NEDD4L: variants seen among roughly 807,000 people sequenced by gnomAD.
NEDD4L encodes E3 ubiquitin-protein ligase NEDD4-like.
A neutral mutation model predicts 148.9 loss-of-function variants in NEDD4L; 54 were observed. That is an observed-to-expected ratio of 0.36 (90% confidence interval 0.29 to 0.45). The LOEUF is 0.45. Ranked by LOEUF, NEDD4L falls within the 20% of genes least tolerant of loss-of-function variation. NEDD4L has a pLI of 1.00. For missense variants in NEDD4L, 856 were observed against 1,233.8 expected (o/e 0.69, Z 4.59); for synonymous variants, 433 against 440.7 (o/e 0.98, Z 0.22).
At chr18:58,139,775 A>G (rs143320434) in intron 1 of NEDD4L, among the ~76,000 whole-genome samples, 1,593 of 152,186 alleles carry the variant, frequency 0.01, 16 homozygotes, top group South Asian at 0.013. Flanking sequence ...AACCTCCCAA[A>G]GGGAGGAAGC....
At chr18:58,045,612 A>G (rs966901398) in intron 1 of NEDD4L, 2 of 152,586 alleles carry the variant, frequency 1.3e-5, no homozygotes, top group Non-Finnish European at 2.9e-5. Flanking sequence ...CTCGGCTCTT[A>G]TTGGTATGTT....
chr18:58,300,353 C>T (rs1004634949), intron 5 of NEDD4L, among the ~76,000 whole-genome samples: 3 of 152,208 alleles, frequency 2.0e-5, no homozygotes, highest in African/African-American at 7.2e-5. Flanking sequence ...GGAAGTTTTG[C>T]AGCACTTTGC....
chr18:58,302,249 AAAG>A (rs1404272906), intron 5 of NEDD4L, among the ~76,000 whole-genome samples: 6 of 152,190 alleles, frequency 3.9e-5, no homozygotes, highest in African/African-American at 1.2e-4. Context: ...AAGGGGAAAA[AAAG>A]AAGTCATTTC....
chr18:58,092,492 A>C (rs2084130493), intron 1 of NEDD4L, among the ~76,000 whole-genome samples: 1 of 152,068 alleles, frequency 6.6e-6, no homozygotes, highest in African/African-American at 2.4e-5. Context: ...ACGGGTGGGG[A>C]AGGAGCACTA....
intron 2 of NEDD4L, among the ~76,000 whole-genome samples, chr18:58,168,550 G>T (rs1035140801): frequency 7.2e-5 from 11 of 152,166 alleles, no homozygotes; most frequent in Non-Finnish European, 1.0e-4. Flanking sequence ...AGTAGTCACC[G>T]GGCAGAGGTT....
At chr18:58,327,218 C>T (rs1290816670) in intron 9 of NEDD4L, among the ~76,000 whole-genome samples, 2 of 152,194 alleles carry the variant, frequency 1.3e-5, no homozygotes, top group African/African-American at 4.8e-5. Flanking sequence ...CTGCCTTGGC[C>T]TCCTGAGTAG....
chr18:58,239,069 C>T (rs2046342286), intron 2 of NEDD4L, among the ~76,000 whole-genome samples: 1 of 152,192 alleles, frequency 6.6e-6, no homozygotes, highest in Non-Finnish European at 1.5e-5. Context: ...AAACCTTCAA[C>T]AAAACAAGTT....
intron 2 of NEDD4L, among the ~76,000 whole-genome samples, chr18:58,226,070 T>TA (rs956519051): frequency 2.6e-5 from 4 of 152,156 alleles, no homozygotes; most frequent in African/African-American, 9.7e-5. Context: ...TAGAAAGCTA[T>TA]AAACTCTTAT....
At chr18:58,240,324 G>A (rs2046484857) in intron 2 of NEDD4L, among the ~76,000 whole-genome samples, 1 of 152,096 alleles carries the variant, frequency 6.6e-6, no homozygotes, top group South Asian at 2.1e-4. Flanking sequence ...GTGCATTTTG[G>A]TGTCTGCCCA....
chr18:58,184,756 G>A (rs549337522), intron 2 of NEDD4L, among the ~76,000 whole-genome samples: 8 of 152,092 alleles, frequency 5.3e-5, no homozygotes, highest in East Asian at 3.9e-4. Flanking sequence ...GTGAAACCCC[G>A]TCTCTACTAA....
intron 1 of NEDD4L, among the ~76,000 whole-genome samples, chr18:58,081,436 C>T (rs917305674): frequency 2.0e-5 from 3 of 151,858 alleles, no homozygotes; most frequent in South Asian, 2.1e-4. Context: ...AGGAAGGTCT[C>T]GATCTCCTGA....
In NEDD4L at chr18:58,351,038, T is replaced by C. The variant is rs1169476600; in HGVS notation, c.1701T>C (p.Ile567=). The part of the protein sequence containing the change: ...RIHLDGRTFY[I]DHNSKITQWE... ...ACTTGGATGGCCGAACGTTTTATAT[T>C]GATCATAGTAAGTAGGCGCTGTTAT... Residue 567 remains isoleucine (I), a synonymous_variant, in exon 18 of 31, where the codon ATT becomes ATC. Coordinates refer to ENST00000400345, the MANE Select transcript of NEDD4L (RefSeq NM_001144967.3). 3.8e-6 allele frequency: 6 copies of C among 1,591,770 alleles called. No individual in the cohort carries two copies. In the East Asian group the frequency reaches 1.4e-4, roughly 36 times the overall value.
At chr18:58,085,089 C>T (rs1163545322) in intron 1 of NEDD4L, among the ~76,000 whole-genome samples, 1 of 152,130 alleles carries the variant, frequency 6.6e-6, no homozygotes, top group Non-Finnish European at 1.5e-5. Flanking sequence ...GCGTAATGGC[C>T]TCATTTTAAC....
At chr18:58,334,001 A>T in intron 12 of NEDD4L, 109 bp downstream of exon 12, 1 of 632,728 alleles carries the variant, frequency 1.6e-6, no homozygotes, top group African/African-American at 1.9e-5. Context: ...TTACAATATA[A>T]ATGAGATGTT....
At chr18:58,136,829 A>C (rs2032904549) in intron 1 of NEDD4L, among the ~76,000 whole-genome samples, 1 of 152,222 alleles carries the variant, frequency 6.6e-6, no homozygotes, top group African/African-American at 2.4e-5. Flanking sequence ...AGAACTGAAC[A>C]TGTCATTCCA....
At chr18:58,125,294 C>G (rs2145874028) in intron 1 of NEDD4L, among the ~76,000 whole-genome samples, 1 of 152,178 alleles carries the variant, frequency 6.6e-6, no homozygotes, top group South Asian at 2.1e-4. Context: ...GATTTAAATC[C>G]AAGCAATGTG....
At chr18:58,343,341 T>C (rs768454685) in intron 16 of NEDD4L, among the ~76,000 whole-genome samples, 21 of 152,164 alleles carry the variant, frequency 1.4e-4, no homozygotes, top group Non-Finnish European at 2.8e-4. Flanking sequence ...CCTGGGAAGC[T>C]CTAGTTTAGA....
In NEDD4L at chr18:58,044,367, G is replaced by C; in HGVS notation, c.-294G>C. 1 of 183,228 alleles carries C rather than the reference G, an allele frequency of 5.5e-6. No individual in the cohort carries two copies. Among genetic ancestry groups the C allele is most frequent in the Non-Finnish European group, 1.1e-5 (1 of 89,658 alleles). 11.4% of individuals were successfully genotyped at this position (183,228 alleles called of 1,614,324 possible). A position where few individuals can be genotyped will look rare whatever the true frequency, so the allele number is the denominator to read the frequency against. On this transcript the variant is annotated 5_prime_UTR_variant, in exon 1 of 31. Transcript: ENST00000400345. ...GGGGAGGGAAAGCCCGGCCGGGTCT[G>C]CGCCGCCGCCGCGCGCAGTGAGAGG...
At chr18:58,114,808 A>G (rs1329501315) in intron 1 of NEDD4L, among the ~76,000 whole-genome samples, 1 of 152,080 alleles carries the variant, frequency 6.6e-6, no homozygotes, top group Non-Finnish European at 1.5e-5. Flanking sequence ...GCCTCAGCTC[A>G]TTGTCCCCTC....
Sources: gnomAD v4.1 joint callset for allele counts (sites outside exome capture counted in the v4.1 genomes callset) on GRCh38, gnomAD v4.1.1 for gene constraint, MANE v1.5 for transcripts, NCBI Gene and HGNC (gene_info 2026-07-23, HGNC 2026-07-21) for gene names.